The following RAD51B variants were observed in gnomAD, a reference collection of about 807,000 sequenced individuals.
RAD51B encodes the protein DNA repair protein RAD51 homolog 2.
RAD51B carries 38 observed loss-of-function variants against 42.2 expected under a neutral mutation model. The observed-to-expected ratio is 0.90, with a 90% CI of 0.70 to 1.18. The LOEUF is 1.18. Among genes scored for constraint, RAD51B ranks in the 50% most tolerant of loss-of-function variants. The pLI, the probability that RAD51B is intolerant of heterozygous loss-of-function variation, is 0.00. For synonymous variants in RAD51B, 154 were observed against 145.2 expected (o/e 1.06, Z -0.43); for missense variants, 373 against 400.7 (o/e 0.93, Z 0.59).
intron 10 of RAD51B, among the ~76,000 whole-genome samples, chr14:68,492,699 G>A (rs542301263): frequency 6.6e-6 from 1 of 152,342 alleles, no homozygotes; most frequent in East Asian, 1.9e-4. Flanking sequence ...AGTAACATTT[G>A]TTGAGCAGCT....
At chr14:67,998,181 C>T (rs997505069) in intron 7 of RAD51B, among the ~76,000 whole-genome samples, 1 of 152,136 alleles carries the variant, frequency 6.6e-6, no homozygotes, top group African/African-American at 2.4e-5. Flanking sequence ...TAACCTTTTA[C>T]CCCTTTAGAA....
At chr14:67,943,071 TTTAAATATA>T (rs138805588) in intron 7 of RAD51B, among the ~76,000 whole-genome samples, 2,359 of 151,900 alleles carry the variant, frequency 0.016, 29 homozygotes, top group African/African-American at 0.036. Context: ...AAGTAATAGA[TTTAAATATA>T]TTAAATATAT....
intron 8 of RAD51B, among the ~76,000 whole-genome samples, chr14:68,352,610 T>C (rs2082813683): frequency 6.6e-6 from 1 of 152,262 alleles, no homozygotes; most frequent in Non-Finnish European, 1.5e-5. Context: ...TTACAAACTA[T>C]TTCCTCACAG....
intron 7 of RAD51B, among the ~76,000 whole-genome samples, chr14:68,148,369 G>T (rs986776902): frequency 3.9e-5 from 6 of 152,108 alleles, no homozygotes; most frequent in Non-Finnish European, 8.8e-5. Flanking sequence ...CTAGATTATA[G>T]GATTGCTGTA....
At chr14:68,313,630 C>T (rs1234271577) in intron 8 of RAD51B, among the ~76,000 whole-genome samples, 1 of 152,160 alleles carries the variant, frequency 6.6e-6, no homozygotes, top group Non-Finnish European at 1.5e-5. Flanking sequence ...GCCATCTGGG[C>T]ATTTTGGGCA....
At chr14:68,064,280 C>G (rs1233430874) in intron 7 of RAD51B, among the ~76,000 whole-genome samples, 1 of 152,126 alleles carries the variant, frequency 6.6e-6, no homozygotes, top group Non-Finnish European at 1.5e-5. Context: ...TGATTTTATT[C>G]TCTCTTGGCC....
intron 7 of RAD51B, among the ~76,000 whole-genome samples, chr14:68,277,373 T>A (rs2081244747): frequency 6.6e-6 from 1 of 152,224 alleles, no homozygotes. Context: ...CAGTAAGACC[T>A]AGCTTTCTCA....
chr14:67,868,395 C>T (rs2042398732), intron 5 of RAD51B, among the ~76,000 whole-genome samples: 2 of 152,266 alleles, frequency 1.3e-5, no homozygotes, highest in South Asian at 4.1e-4. Context: ...AAAAACAGAG[C>T]ATCAGGAGAT....
chr14:68,257,512 T>C (rs2080778552), intron 7 of RAD51B, among the ~76,000 whole-genome samples: 1 of 152,142 alleles, frequency 6.6e-6, no homozygotes, highest in Non-Finnish European at 1.5e-5. Flanking sequence ...TTATGCTCAA[T>C]TGATAATTTA....
At chr14:68,232,706 CTT>C (rs1179483602) in intron 7 of RAD51B, among the ~76,000 whole-genome samples, 3 of 152,210 alleles carry the variant, frequency 2.0e-5, no homozygotes, top group African/African-American at 7.2e-5. Flanking sequence ...TCTGGTCTGT[CTT>C]ATTGCAAGGT....
chr14:68,302,525 G>A (rs1353036144), intron 8 of RAD51B, among the ~76,000 whole-genome samples: 6 of 121,512 alleles, frequency 4.9e-5, no homozygotes, highest in East Asian at 2.4e-4. Flanking sequence ...AGACCAGCTC[G>A]GTTGGGGAGA....
At chr14:68,064,948 CT>C (rs1157237893) in intron 7 of RAD51B, among the ~76,000 whole-genome samples, 2 of 151,842 alleles carry the variant, frequency 1.3e-5, no homozygotes, top group African/African-American at 4.8e-5. Context: ...CTTTGATTTC[CT>C]TTTTTGGCAA....
chr14:67,980,274 GTC>G (rs1470177546), intron 7 of RAD51B, among the ~76,000 whole-genome samples: 1 of 152,046 alleles, frequency 6.6e-6, no homozygotes, highest in East Asian at 1.9e-4. Flanking sequence ...GCAAATCCCT[GTC>G]TCTACTAAAA....
chr14:68,296,399 T>C (rs563532937), intron 8 of RAD51B, among the ~76,000 whole-genome samples: 2 of 152,344 alleles, frequency 1.3e-5, no homozygotes, highest in East Asian at 3.9e-4. Context: ...TGCTCAGTTA[T>C]TGTGACTGTT....
chr14:68,190,435 A>G (rs965989391), intron 7 of RAD51B, among the ~76,000 whole-genome samples: 29 of 152,204 alleles, frequency 1.9e-4, no homozygotes, highest in Non-Finnish European at 3.7e-4. Flanking sequence ...AGAGTTTTAA[A>G]TGTATAGAAA....
intron 11 of RAD51B, among the ~76,000 whole-genome samples, chr14:68,663,041 C>G (rs1188944181): frequency 6.6e-6 from 1 of 152,260 alleles, no homozygotes; most frequent in African/African-American, 2.4e-5. Flanking sequence ...TGGGTCACCC[C>G]TGTAATCCCA....
At chr14:68,218,190 T>G (rs2079853210) in intron 7 of RAD51B, among the ~76,000 whole-genome samples, 1 of 152,254 alleles carries the variant, frequency 6.6e-6, no homozygotes, top group Admixed American at 6.5e-5. Context: ...TTTCAGCAGC[T>G]GACCCAGAGG....
At chr14:68,365,152 C>T (rs879223559) in intron 8 of RAD51B, among the ~76,000 whole-genome samples, 1 of 152,172 alleles carries the variant, frequency 6.6e-6, no homozygotes, top group Admixed American at 6.5e-5. Context: ...CTGAGGGAGA[C>T]GTACTTTATG....
chr14:68,639,540 G>A (rs1315453886), intron 10 of RAD51B, among the ~76,000 whole-genome samples: 1 of 152,178 alleles, frequency 6.6e-6, no homozygotes, highest in Non-Finnish European at 1.5e-5. Context: ...TGATCTGAAG[G>A]AATATGTCAG....
Sources: allele counts gnomAD v4.1 joint callset (sites outside exome capture counted in the v4.1 genomes callset), GRCh38; gene constraint gnomAD v4.1.1; transcripts MANE v1.5; gene names NCBI Gene and HGNC (gene_info 2026-07-23, HGNC 2026-07-21).